The following PCDH11X variants were observed in gnomAD, a reference collection of about 807,000 sequenced individuals.
The protein encoded by PCDH11X is protocadherin 11 X-linked, also known as protocadherin-11 X-linked.
Under a neutral mutation model 53.3 loss-of-function variants are expected in PCDH11X, and 18 were observed. The observed-to-expected ratio is 0.34, with a 90% CI of 0.23 to 0.50. PCDH11X has a LOEUF of 0.50. Among genes scored for constraint, PCDH11X ranks in the 20% least tolerant of loss-of-function variants. The probability of loss-of-function intolerance (pLI) is 0.98; values close to 1 mark genes in which losing one functional copy is unlikely to be tolerated. For missense variants in PCDH11X, 570 were observed against 1,032.4 expected (o/e 0.55, Z 6.14); for synonymous variants, 279 against 393.3 (o/e 0.71, Z 3.44).
intron 10 of PCDH11X, among the ~76,000 whole-genome samples, chrX:92,614,511 G>A (rs924105822): frequency 1.8e-5 from 2 of 109,653 alleles, no homozygotes; most frequent in African/African-American, 6.7e-5. Flanking sequence ...GTGAGAGCTG[G>A]CTGTACCTGA....
chrX:92,411,517 G>T lies in PCDH11X; in HGVS notation c.3343+23584G>T, dbSNP rs368753239. On this transcript the variant is annotated intron_variant, in intron 9 of 10. Transcript: ENST00000682573. ...TTGTTCAACTCCCACTTATGAGTGA[G>T]AACATGCAGTATTTGGTTTTCCGTT... Among the ~76,000 whole-genome samples, 15 of 108,686 alleles carry T rather than the reference G, an allele frequency of 1.4e-4. No individual in the cohort carries two copies. In the East Asian group the frequency reaches 1.5e-3, roughly 11 times the overall value. 94.4% of individuals were successfully genotyped at this position (108,686 alleles called of 115,157 possible). A position where few individuals can be genotyped will look rare whatever the true frequency, so the allele number is the denominator to read the frequency against.
At chrX:92,131,916 C>G (rs1212973928) in intron 6 of PCDH11X, among the ~76,000 whole-genome samples, 1 of 108,386 alleles carries the variant, frequency 9.2e-6, no homozygotes, top group Non-Finnish European at 1.9e-5. Flanking sequence ...AGGCAAAACT[C>G]TTGGTGGGCT....
Position 91,841,355 on chromosome X carries a change from C to T in PCDH11X, c.540+5311C>T, listed in dbSNP as rs182345084. On this transcript the variant is annotated intron_variant, in intron 5 of 10. Transcript: ENST00000682573. ...CACTTATGGAACGTAAGTTGGACAT[C>T]GTAAATAGTTCAATTCTGGAATTTA... Among the ~76,000 whole-genome samples the T allele has an allele frequency of 1.6e-3, 178 of 111,365 alleles. 1 individual carries two copies. Among genetic ancestry groups the T allele is most frequent in the South Asian group, 3.0e-3 (8 of 2,681 alleles).
intron 10 of PCDH11X, among the ~76,000 whole-genome samples, chrX:92,496,993 GA>G (rs975564999): frequency 5.4e-5 from 6 of 111,511 alleles, no homozygotes; most frequent in African/African-American, 1.6e-4. Context: ...TTGTGTTAAA[GA>G]AAAGCAGAGT....
intron 6 of PCDH11X, among the ~76,000 whole-genome samples, chrX:92,134,620 T>A (rs369680498): frequency 8.1e-5 from 9 of 110,603 alleles, no homozygotes; most frequent in African/African-American, 2.6e-4. Context: ...TGAAAGCACG[T>A]TTATTAGGAG....
intron 6 of PCDH11X, among the ~76,000 whole-genome samples, chrX:92,152,986 ATGT>A (rs1307350002): frequency 9.5e-6 from 1 of 104,962 alleles, no homozygotes; most frequent in East Asian, 3.0e-4. Context: ...GAGTTTTGCC[ATGT>A]TGGCCAGGCT....
intron 1 of PCDH11X, among the ~76,000 whole-genome samples, chrX:91,781,689 G>A (rs953938831): frequency 9.0e-6 from 1 of 110,659 alleles, no homozygotes; most frequent in African/African-American, 3.3e-5. Flanking sequence ...TGTGTGTCGC[G>A]GCGGGGCTGG....
intron 1 of PCDH11X, among the ~76,000 whole-genome samples, chrX:91,805,798 C>A (rs1196258565): frequency 9.2e-6 from 1 of 108,502 alleles, no homozygotes; most frequent in Non-Finnish European, 1.9e-5. Context: ...TGCACTCTAT[C>A]CTGGGTGGCA....
chrX:92,099,760 C>T (rs755458028), intron 6 of PCDH11X, among the ~76,000 whole-genome samples: 4 of 111,411 alleles, frequency 3.6e-5, no homozygotes, highest in African/African-American at 6.5e-5. Flanking sequence ...GCTATGTATC[C>T]TGCTGTCATT....
At chrX:92,582,721 C>T (rs1365284013) in intron 10 of PCDH11X, among the ~76,000 whole-genome samples, 1 of 111,019 alleles carries the variant, frequency 9.0e-6, no homozygotes, top group African/African-American at 3.3e-5. Flanking sequence ...CAATAGCTTG[C>T]ACCATGCACC....
At chrX:91,825,833 T>C (rs765348982) in intron 4 of PCDH11X, among the ~76,000 whole-genome samples, 2 of 107,758 alleles carry the variant, frequency 1.9e-5, no homozygotes, top group South Asian at 3.9e-4. Flanking sequence ...AGATTCATAA[T>C]ATAAAATATT....
chrX:92,502,960 A>C (rs1485426702), intron 10 of PCDH11X, among the ~76,000 whole-genome samples: 1 of 108,235 alleles, frequency 9.2e-6, no homozygotes, highest in African/African-American at 3.4e-5. Context: ...AAAGGGAGAA[A>C]ATTTCTTAAT....
intron 7 of PCDH11X, among the ~76,000 whole-genome samples, chrX:92,248,992 C>A (rs947804875): frequency 5.4e-5 from 6 of 111,613 alleles, no homozygotes; most frequent in African/African-American, 1.6e-4. Context: ...GCATGAGCCA[C>A]TGTGCCCGGC....
chrX:92,490,135 T>C (rs2073728702), intron 10 of PCDH11X, among the ~76,000 whole-genome samples: 1 of 106,663 alleles, frequency 9.4e-6, no homozygotes, highest in Non-Finnish European at 1.9e-5. Context: ...GATGAAAGAA[T>C]AGTCAATACA....
intron 10 of PCDH11X, among the ~76,000 whole-genome samples, chrX:92,589,730 C>T (rs1317363412): frequency 9.0e-6 from 1 of 111,109 alleles, no homozygotes; most frequent in Non-Finnish European, 1.9e-5. Flanking sequence ...GCTAATCTAC[C>T]CCCCCATCTT....
intron 6 of PCDH11X, among the ~76,000 whole-genome samples, chrX:92,062,486 G>C (rs1171792241): frequency 9.0e-6 from 1 of 111,383 alleles, no homozygotes; most frequent in Non-Finnish European, 1.9e-5. Context: ...TTACTATTTT[G>C]AGGTATGCTC....
At chrX:92,266,533 G>C (rs2067834499) in intron 8 of PCDH11X, among the ~76,000 whole-genome samples, 1 of 111,490 alleles carries the variant, frequency 9.0e-6, no homozygotes, top group Non-Finnish European at 1.9e-5. Context: ...TACAAAGATA[G>C]ACACTTTTTC....
chrX:91,908,116 G>T (rs1291441619), intron 6 of PCDH11X, among the ~76,000 whole-genome samples: 8 of 111,672 alleles, frequency 7.2e-5, no homozygotes, highest in Admixed American at 3.8e-4. Flanking sequence ...CATGGGCAAA[G>T]ATTTCATTAT....
chrX:92,144,472 G>A (rs34112641), intron 6 of PCDH11X, among the ~76,000 whole-genome samples: 7,568 of 110,497 alleles, frequency 0.068, 738 homozygotes, highest in African/African-American at 0.24. Flanking sequence ...TGATAGGTGT[G>A]TCAGGGTTTT....
Sources: allele counts gnomAD v4.1 joint callset (sites outside exome capture counted in the v4.1 genomes callset), GRCh38; gene constraint gnomAD v4.1.1; transcripts MANE v1.5; gene names NCBI Gene and HGNC (gene_info 2026-07-23, HGNC 2026-07-21).